LRBA: variants seen among roughly 807,000 people sequenced by gnomAD.
The protein encoded by LRBA is lipopolysaccharide-responsive and beige-like anchor protein.
LRBA carries 176 observed loss-of-function variants against 330.0 expected under a neutral mutation model. The observed-to-expected ratio is 0.53, with a 90% confidence interval of 0.47 to 0.60. The LOEUF (loss-of-function observed/expected upper bound fraction) is 0.60. LRBA is among the 20% of genes least tolerant of loss of function. LRBA has a pLI of 0.00. For missense variants in LRBA, 3,259 were observed against 3,444.8 expected (o/e 0.95, Z 1.35); for synonymous variants, 1,230 against 1,193.0 (o/e 1.03, Z -0.64).
intron 2 of LRBA, chr4:150,970,540 TGTGTGTGTGTGTGTGTACACAC>T (rs1176355417): frequency 2.4e-5 from 1 of 41,478 alleles, no homozygotes; most frequent in African/African-American, 5.9e-5. Flanking sequence ...TGTGTGTGTG[TGTGTGTGTGTGTGTGTACACAC>T]ACACACACAC....
intron 48 of LRBA, among the ~76,000 whole-genome samples, chr4:150,328,970 C>A (rs190892117): frequency 2.7e-4 from 41 of 152,252 alleles, no homozygotes; most frequent in Admixed American, 2.5e-3. Context: ...ATGGATGAGA[C>A]AACTTCTGAA....
chr4:150,535,810 C>T (rs961757973), intron 40 of LRBA, among the ~76,000 whole-genome samples: 3 of 152,132 alleles, frequency 2.0e-5, no homozygotes, highest in African/African-American at 7.2e-5. Context: ...GACAAGGGTG[C>T]TGTGGCCCAT....
At chr4:150,430,504 T>C (rs2151981359) in intron 46 of LRBA, among the ~76,000 whole-genome samples, 1 of 152,274 alleles carries the variant, frequency 6.6e-6, no homozygotes, top group Admixed American at 6.5e-5. Context: ...ATGAGCCTAC[T>C]GTACTAAATT....
intron 2 of LRBA, among the ~76,000 whole-genome samples, chr4:151,002,174 C>T (rs899307620): frequency 1.2e-4 from 12 of 97,890 alleles, no homozygotes; most frequent in African/African-American, 4.8e-4. Context: ...ATCAATGTAA[C>T]GACAGAGGAA....
At chr4:150,308,886 A>G (rs1434524411) in intron 52 of LRBA, among the ~76,000 whole-genome samples, 2 of 152,214 alleles carry the variant, frequency 1.3e-5, no homozygotes, top group Non-Finnish European at 2.9e-5. Context: ...AAAGTAAAAA[A>G]GCTTCAGTAA....
At chr4:150,947,221 A>G (rs1736338736) in intron 2 of LRBA, among the ~76,000 whole-genome samples, 1 of 151,020 alleles carries the variant, frequency 6.6e-6, no homozygotes. Flanking sequence ...AGACAAAGAC[A>G]GTACCAAAAA....
intron 44 of LRBA, among the ~76,000 whole-genome samples, chr4:150,464,821 A>G (rs1348073605): frequency 6.6e-6 from 1 of 152,142 alleles, no homozygotes; most frequent in Non-Finnish European, 1.5e-5. Context: ...CAGAGAAGCA[A>G]GAGCAGAAAC....
At chr4:150,433,533 T>C (rs1232183850) in intron 46 of LRBA, among the ~76,000 whole-genome samples, 1 of 152,132 alleles carries the variant, frequency 6.6e-6, no homozygotes, top group Non-Finnish European at 1.5e-5. Flanking sequence ...CATTTTTGTT[T>C]ATATTTCTAG....
intron 38 of LRBA, among the ~76,000 whole-genome samples, chr4:150,591,846 G>A (rs7685324): frequency 0.017 from 2,546 of 152,176 alleles, 65 homozygotes; most frequent in African/African-American, 0.058. Context: ...GCAAATGAAA[G>A]TGGAAAACCC....
chr4:150,361,250 A>AAATAATGATTAG (rs973238117), intron 47 of LRBA, among the ~76,000 whole-genome samples: 2 of 152,242 alleles, frequency 1.3e-5, no homozygotes, highest in African/African-American at 4.8e-5. Flanking sequence ...ATTTTCGATT[A>AAATAATGATTAG]AATAATGATT....
At chr4:150,752,619 C>T (rs1372238169) in intron 35 of LRBA, among the ~76,000 whole-genome samples, 1 of 151,968 alleles carries the variant, frequency 6.6e-6, no homozygotes, top group Non-Finnish European at 1.5e-5. Context: ...TATCCATATG[C>T]TTTATTAGAC....
At chr4:150,625,367 A>T (rs2126645925) in intron 37 of LRBA, among the ~76,000 whole-genome samples, 1 of 152,334 alleles carries the variant, frequency 6.6e-6, no homozygotes, top group Admixed American at 6.5e-5. Flanking sequence ...ATAAAGCCGT[A>T]TCTTCAAAGC....
intron 37 of LRBA, among the ~76,000 whole-genome samples, chr4:150,671,048 G>A (rs932019759): frequency 6.8e-6 from 1 of 147,650 alleles, no homozygotes; most frequent in African/African-American, 2.5e-5. Flanking sequence ...GTGTGAGAGA[G>A]AGAGAGAGAG....
At chr4:150,749,299 C>A (rs888760386) in intron 35 of LRBA, among the ~76,000 whole-genome samples, 4 of 151,984 alleles carry the variant, frequency 2.6e-5, no homozygotes, top group African/African-American at 4.8e-5. Flanking sequence ...GCCAGGTAAA[C>A]TGGCTCACAC....
intron 51 of LRBA, among the ~76,000 whole-genome samples, chr4:150,312,957 CATTT>C (rs1313757443): frequency 6.6e-6 from 1 of 151,616 alleles, no homozygotes. Context: ...TGTAAATAAA[CATTT>C]ATTAAACTTT....
At chr4:150,334,695 T>G (rs1459421294) in intron 48 of LRBA, among the ~76,000 whole-genome samples, 1 of 152,008 alleles carries the variant, frequency 6.6e-6, no homozygotes, top group Non-Finnish European at 1.5e-5. Flanking sequence ...ATTGATATCT[T>G]ACACAAAGCA....
intron 49 of LRBA, among the ~76,000 whole-genome samples, chr4:150,322,453 A>T (rs1378708471): frequency 6.6e-6 from 1 of 152,198 alleles, no homozygotes; most frequent in Non-Finnish European, 1.5e-5. Flanking sequence ...CAGAATTGAA[A>T]CACTTTGATG....
chr4:150,592,442 T>A (rs1773005162), intron 38 of LRBA, among the ~76,000 whole-genome samples: 1 of 151,982 alleles, frequency 6.6e-6, no homozygotes, highest in African/African-American at 2.4e-5. Context: ...ATAGTGCTAC[T>A]GAAACATAGG....
Position 150,502,723 on chromosome 4 carries a change from C to T in LRBA, c.6331-11688G>A, listed in dbSNP as rs6836997. On this transcript the variant is annotated intron_variant, in intron 40 of 56. Coordinates refer to ENST00000651943, the MANE Select transcript of LRBA (RefSeq NM_001364905.1). Reference sequence around the variant, plus strand: ...AGTGGGTGCAGGACAGTGGGTGCAGCGCACCGTGCGTGAGGCGAAGCAGGG... The same window carrying T: ...AGTGGGTGCAGGACAGTGGGTGCAGTGCACCGTGCGTGAGGCGAAGCAGGG... Among the ~76,000 whole-genome samples, 12 of 152,302 alleles carry T rather than the reference C, an allele frequency of 7.9e-5. No individual in the cohort carries two copies. The South Asian group carries it at 1.0e-3, about 13-fold the overall frequency.
Sources: allele counts gnomAD v4.1 joint callset (sites outside exome capture counted in the v4.1 genomes callset), GRCh38; gene constraint gnomAD v4.1.1; transcripts MANE v1.5; gene names NCBI Gene and HGNC (gene_info 2026-07-23, HGNC 2026-07-21).